The following OCA2 variants were observed in gnomAD, a reference collection of about 807,000 sequenced individuals.
OCA2 encodes OCA2 melanosomal transmembrane protein.
In OCA2, 77 loss-of-function variants were observed where a neutral mutation model predicts 100.2. The ratio of observed to expected loss-of-function variants is 0.77; its 90% CI spans 0.64 to 0.93. OCA2 has a LOEUF of 0.93. Ranked by LOEUF, OCA2 falls within the 40% of genes least tolerant of loss-of-function variation. The pLI is 0.00. For synonymous variants in OCA2, 432 were observed against 439.2 expected (o/e 0.98, Z 0.21); for missense variants, 1,062 against 1,089.1 (o/e 0.98, Z 0.35).
intron 19 of OCA2, among the ~76,000 whole-genome samples, chr15:27,918,526 C>T (rs1272340584): frequency 6.6e-6 from 1 of 152,210 alleles, no homozygotes. Context: ...AAAAGTGCCT[C>T]TTTCAATTAA....
intron 2 of OCA2, among the ~76,000 whole-genome samples, chr15:28,079,874 C>T (rs1177155870): frequency 1.3e-5 from 2 of 151,566 alleles, no homozygotes; most frequent in African/African-American, 2.5e-5. Context: ...CACCTCCCCA[C>T]GCTCTCCTTC....
At chr15:28,095,110 C>T (rs766326668) in intron 1 of OCA2, among the ~76,000 whole-genome samples, 31 of 152,366 alleles carry the variant, frequency 2.0e-4, no homozygotes, top group Admixed American at 5.2e-4. Flanking sequence ...CCGCCTCCTG[C>T]CCAGGTCCAG....
At chr15:27,980,343 G>A (rs1242644693) in intron 14 of OCA2, among the ~76,000 whole-genome samples, 3 of 151,826 alleles carry the variant, frequency 2.0e-5, no homozygotes, top group Non-Finnish European at 4.4e-5. Context: ...TAACCAGGAT[G>A]GTCCTGATCT....
intron 18 of OCA2, among the ~76,000 whole-genome samples, chr15:27,949,133 T>C (rs2039945894): frequency 6.6e-6 from 1 of 152,192 alleles, no homozygotes; most frequent in African/African-American, 2.4e-5. Flanking sequence ...TAGGTTAGGA[T>C]TCCTAAATGA....
At chr15:27,744,846 T>C in the OCA2 span, among the ~76,000 whole-genome samples, 2,041 of 152,286 alleles carry the variant, frequency 0.013, 24 homozygotes, top group South Asian at 0.053. Flanking sequence ...ATTCAGGCCA[T>C]GAGGGGAAGT....
rs1396078537 is a variant in OCA2, at chr15:27,833,149, C to A, written c.2432+11810G>T. On this transcript the variant is annotated intron_variant, in intron 23 of 23. Coordinates refer to ENST00000354638, the MANE Select transcript of OCA2 (RefSeq NM_000275.3). Reference sequence around the variant, plus strand: ...TCTTTAGTTACCCCTAAATATACAACCTTGTAAAGAAATGTCCATCTGTGT... The same window carrying A: ...TCTTTAGTTACCCCTAAATATACAAACTTGTAAAGAAATGTCCATCTGTGT... Among the ~76,000 whole-genome samples the A allele has an allele frequency of 3.3e-5, 5 of 152,174 alleles. No individual in the cohort carries two copies. The East Asian group carries it at 9.6e-4, about 29-fold the overall frequency.
intron 20 of OCA2, 43 bp from the exon 21 acceptor site, chr15:27,871,301 A>G: frequency 6.7e-7 from 1 of 1,485,188 alleles, no homozygotes. Context: ...CATCGCATGC[A>G]CTTAGGGTCA....
chr15:28,085,837 A>C (rs2044767365), intron 1 of OCA2, among the ~76,000 whole-genome samples: 1 of 152,188 alleles, frequency 6.6e-6, no homozygotes, highest in Non-Finnish European at 1.5e-5. Flanking sequence ...CCTGATGTTT[A>C]GAACAAAAAG....
At chr15:27,726,753 A>G in the OCA2 span, among the ~76,000 whole-genome samples, 2 of 152,178 alleles carry the variant, frequency 1.3e-5, no homozygotes, top group African/African-American at 4.8e-5. Flanking sequence ...AAAGTATAAT[A>G]AAATAAAATA....
At chr15:27,845,187 A>G (rs563007777) in intron 22 of OCA2, 135 bp from the exon 23 acceptor site, 2 of 733,734 alleles carry the variant, frequency 2.7e-6, no homozygotes, top group East Asian at 2.7e-5. Context: ...ACCGCTTTGT[A>G]AATATCTGGA....
intron 20 of OCA2, 52 bp downstream of exon 20, chr15:27,871,811 C>A: frequency 4.8e-6 from 6 of 1,249,422 alleles, no homozygotes; most frequent in Non-Finnish European, 5.8e-6. Flanking sequence ...ATTTTTTTCA[C>A]AAAATCAAAG....
At position 27,851,372 on chromosome 15, in the gene OCA2, A is replaced by G. The variant is rs370409119; in HGVS notation, c.2338+10T>C. 1.9e-6 allele frequency: 3 copies of G among 1,612,256 alleles called. No individual in the cohort carries two copies. Among genetic ancestry groups the G allele is most frequent in the Non-Finnish European group, 2.5e-6 (3 of 1,178,900 alleles). ...GCACCCCCACCCCCATGCAGTCAGC[A>G]GCCCCTTACCTCCCAGGCAAGCACC... On this transcript the variant is annotated intron_variant, in intron 22 of 23. Transcript: ENST00000354638.
At chr15:27,823,116 T>C (rs924123573) in intron 23 of OCA2, among the ~76,000 whole-genome samples, 3 of 152,268 alleles carry the variant, frequency 2.0e-5, no homozygotes, top group Non-Finnish European at 4.4e-5. Context: ...TAAAATTCGT[T>C]GATACTGAAT....
chr15:27,957,821 C>T lies in OCA2; in HGVS notation c.1637-86G>A, dbSNP rs1003837750. The T allele has an allele frequency of 4.0e-5, 60 of 1,510,484 alleles. No homozygotes were observed. Among genetic ancestry groups the T allele is most frequent in the Admixed American group, 1.4e-4 (8 of 57,952 alleles). 93.6% of individuals were successfully genotyped at this position (1,510,484 alleles called of 1,614,324 possible). On this transcript the variant is annotated intron_variant, in intron 15 of 23. Transcript: ENST00000354638. This position sits in a 1 kb window ranked among gnomAD's most constrained non-coding sequence, Gnocchi z 4.3. ...CCTCTGTTCCCCACACAGTCGATGC[C>T]TGACAGAGCAGACACACACTCGAGA... is the stretch of plus-strand genomic sequence containing the variant.
chr15:27,860,198 T>C (rs2036080428), intron 21 of OCA2, among the ~76,000 whole-genome samples: 1 of 152,088 alleles, frequency 6.6e-6, no homozygotes, highest in Non-Finnish European at 1.5e-5. Flanking sequence ...GAAGGAGCAA[T>C]TTTGCAAAAC....
intron 19 of OCA2, among the ~76,000 whole-genome samples, chr15:27,914,435 G>A (rs1263738021): frequency 6.6e-6 from 1 of 151,972 alleles, no homozygotes; most frequent in Admixed American, 6.6e-5. Flanking sequence ...TCTTTTCACA[G>A]ACAATATGGT....
At chr15:27,893,646 G>A (rs1049419306) in intron 19 of OCA2, among the ~76,000 whole-genome samples, 1 of 152,158 alleles carries the variant, frequency 6.6e-6, no homozygotes, top group Non-Finnish European at 1.5e-5. Context: ...GATAAGGACT[G>A]AGATATGCCC....
intron 18 of OCA2, among the ~76,000 whole-genome samples, chr15:27,938,893 A>G (rs2039550396): frequency 6.6e-6 from 1 of 152,126 alleles, no homozygotes; most frequent in African/African-American, 2.4e-5. Context: ...TGCCCCGAGG[A>G]CTGCACAGGC....
At position 27,957,570 on chromosome 15, in the gene OCA2, C is replaced by T; in HGVS notation, c.1784+18G>A. On this transcript the variant is annotated intron_variant, in intron 16 of 23. Transcript: ENST00000354638. This position sits in a 1 kb window ranked among gnomAD's most constrained non-coding sequence, Gnocchi z 4.3. ...TGCTGCACACCAAGCACAGTCTGAG[C>T]AGGACCCCGCCCGGTACCTGTGGAA... is the stretch of plus-strand genomic sequence containing the variant. 2 of 1,611,668 alleles carry T rather than the reference C, an allele frequency of 1.2e-6. No individual in the cohort carries two copies. Among genetic ancestry groups the T allele is most frequent in the East Asian group, 2.2e-5 (1 of 44,868 alleles).
Sources: gnomAD v4.1 joint callset for allele counts (sites outside exome capture counted in the v4.1 genomes callset) on GRCh38, gnomAD v4.1.1 for gene constraint, Gnocchi (gnomAD v3.1) non-coding constraint, MANE v1.5 for transcripts, NCBI Gene and HGNC (gene_info 2026-07-23, HGNC 2026-07-21) for gene names.